Variants in RPL39L observed in about 807,000 individuals in gnomAD.
RPL39L encodes the protein ribosomal protein L39 like, also known as ribosomal protein eL39-like 2.
For missense variants in RPL39L, 48 were observed against 58.9 expected (o/e 0.81, Z 0.61); for synonymous variants, 16 against 20.1 (o/e 0.80, Z 0.55).
intron 1 of RPL39L, 142 bp from the exon 2 acceptor site, chr3:187,128,204 T>C (rs561496045): frequency 6.6e-6 from 1 of 152,344 alleles, no homozygotes; most frequent in African/African-American, 2.4e-5. Flanking sequence ...GAAGTCTTTT[T>C]GCAGAAAGAG....
In RPL39L at chr3:187,133,421, C is replaced by G. The variant is rs1720519706; in HGVS notation, c.-92-5359G>C. Reference sequence around the variant, plus strand: ...CCATCTAAGACGTGCTTTGCTTCCCCTTTGCCTTCTGCCAGATTGTAAGTA... The same window carrying G: ...CCATCTAAGACGTGCTTTGCTTCCCGTTTGCCTTCTGCCAGATTGTAAGTA... On this transcript the variant is annotated intron_variant, in intron 1 of 2. Coordinates refer to ENST00000296277, the MANE Select transcript of RPL39L (RefSeq NM_052969.3). Among the ~76,000 whole-genome samples the G allele has an allele frequency of 2.6e-5, 4 of 152,164 alleles. No individual in the cohort carries two copies. The South Asian group carries it at 8.3e-4, about 32-fold the overall frequency.
At chr3:187,124,826 A>C (rs1720371979) in intron 2 of RPL39L, among the ~76,000 whole-genome samples, 1 of 152,218 alleles carries the variant, frequency 6.6e-6, no homozygotes, top group Non-Finnish European at 1.5e-5. Flanking sequence ...AGACCACTTA[A>C]ATTAGGCCAT....
chr3:187,134,152 T>C (rs895897709), intron 1 of RPL39L, among the ~76,000 whole-genome samples: 4 of 151,804 alleles, frequency 2.6e-5, no homozygotes, highest in Non-Finnish European at 5.9e-5. Context: ...TGGAAAAAAA[T>C]AGACAGCAAC....
chr3:187,127,022 G>T (rs999391108), intron 2 of RPL39L, among the ~76,000 whole-genome samples: 3 of 152,206 alleles, frequency 2.0e-5, no homozygotes, highest in African/African-American at 7.2e-5. Flanking sequence ...GCAAATATGT[G>T]TGATCTTTGG....
Position 187,139,487 on chromosome 3 carries a change from C to A in RPL39L, c.-367G>T, listed in dbSNP as rs1369937434. Reference sequence around the variant, plus strand: ...CAATTCAACCGCCGCGCGCCGGATGCTAAGACCGCGATTTCCCCGGATGCT... The same window carrying A: ...CAATTCAACCGCCGCGCGCCGGATGATAAGACCGCGATTTCCCCGGATGCT... On this transcript the variant is annotated 5_prime_UTR_variant, in exon 1 of 3. Transcript: ENST00000296277. The A allele has an allele frequency of 1.3e-5, 2 of 152,258 alleles. No individual in the cohort carries two copies. Among genetic ancestry groups the A allele is most frequent in the African/African-American group, 4.8e-5 (2 of 41,470 alleles). 9.4% of individuals were successfully genotyped at this position (152,258 alleles called of 1,614,324 possible).
chr3:187,129,858 T>A (rs1720457997), intron 1 of RPL39L, among the ~76,000 whole-genome samples: 1 of 147,274 alleles, frequency 6.8e-6, no homozygotes, highest in South Asian at 2.1e-4. Context: ...TTTTTTTTTT[T>A]CTTTTTTGCC....
intron 1 of RPL39L, among the ~76,000 whole-genome samples, chr3:187,134,483 T>TAAAAAAAAGAAAAAA (rs1720539115): frequency 1.1e-5 from 1 of 93,426 alleles, no homozygotes; most frequent in African/African-American, 4.2e-5. Flanking sequence ...GCCTGACTGA[T>TAAAAAAAAGAAAAAA]AAAAAAAAAA....
At chr3:187,135,006 A>G (rs1720550236) in intron 1 of RPL39L, among the ~76,000 whole-genome samples, 1 of 152,244 alleles carries the variant, frequency 6.6e-6, no homozygotes, top group African/African-American at 2.4e-5. Context: ...GAAGCCTCAG[A>G]AAGGCAGTAA....
intron 1 of RPL39L, among the ~76,000 whole-genome samples, chr3:187,129,297 G>A (rs1005646259): frequency 2.0e-5 from 3 of 152,202 alleles, no homozygotes; most frequent in Admixed American, 6.5e-5. Flanking sequence ...TTGGGGAGAC[G>A]TGAAAAGCCA....
intron 1 of RPL39L, among the ~76,000 whole-genome samples, chr3:187,137,851 T>C (rs1720612807): frequency 6.6e-6 from 1 of 151,922 alleles, no homozygotes; most frequent in African/African-American, 2.4e-5. Context: ...AAAAAGAGAC[T>C]TTAAAAGCTG....
chr3:187,138,586 G>A (rs2108471877), intron 1 of RPL39L, among the ~76,000 whole-genome samples: 1 of 152,352 alleles, frequency 6.6e-6, no homozygotes, highest in East Asian at 1.9e-4. Context: ...TGGTTTTGCT[G>A]ATTAAACCAC....
At chr3:187,129,951 T>C (rs577327205) in intron 1 of RPL39L, among the ~76,000 whole-genome samples, 12 of 152,078 alleles carry the variant, frequency 7.9e-5, no homozygotes, top group African/African-American at 2.9e-4. Context: ...CCAGTAGGTA[T>C]AGAGAGGACA....
chr3:187,129,149 G>A (rs1195887076), intron 1 of RPL39L, among the ~76,000 whole-genome samples: 1 of 152,206 alleles, frequency 6.6e-6, no homozygotes, highest in African/African-American at 2.4e-5. Context: ...CAAGTGAAAG[G>A]CAGTTTTTGC....
intron 1 of RPL39L, among the ~76,000 whole-genome samples, chr3:187,135,402 T>C (rs1166164387): frequency 6.6e-6 from 1 of 152,110 alleles, no homozygotes; most frequent in Non-Finnish European, 1.5e-5. Flanking sequence ...GTGCTGTTCT[T>C]GTGATAGTGA....
intron 2 of RPL39L, among the ~76,000 whole-genome samples, chr3:187,124,897 G>T (rs533183678): frequency 1.3e-4 from 20 of 152,304 alleles, no homozygotes; most frequent in African/African-American, 4.8e-4. Flanking sequence ...CTCAGAAACA[G>T]AATTTGTTAT....
chr3:187,137,572 G>C (rs1244550230), intron 1 of RPL39L, among the ~76,000 whole-genome samples: 1 of 152,010 alleles, frequency 6.6e-6, no homozygotes, highest in East Asian at 1.9e-4. Context: ...CAGCACTTTG[G>C]GAGGCTGATG....
At chr3:187,122,839 T>A (rs957087499) in intron 2 of RPL39L, among the ~76,000 whole-genome samples, 1 of 152,186 alleles carries the variant, frequency 6.6e-6, no homozygotes, top group Non-Finnish European at 1.5e-5. Context: ...GCAGAGTAGA[T>A]AACTAGCAGT....
intron 1 of RPL39L, among the ~76,000 whole-genome samples, chr3:187,131,913 A>G (rs1484168582): frequency 1.3e-5 from 2 of 152,190 alleles, no homozygotes; most frequent in Non-Finnish European, 2.9e-5. Context: ...TAATGTCACT[A>G]TCTTGACTAT....
chr3:187,123,694 A>T (rs1019733973), intron 2 of RPL39L, among the ~76,000 whole-genome samples: 1 of 152,230 alleles, frequency 6.6e-6, no homozygotes, highest in African/African-American at 2.4e-5. Flanking sequence ...TGTACTGGTT[A>T]GGGTTCTTGA....
Sources: allele counts gnomAD v4.1 joint callset (sites outside exome capture counted in the v4.1 genomes callset), GRCh38; gene constraint gnomAD v4.1.1; transcripts MANE v1.5; gene names NCBI Gene and HGNC (gene_info 2026-07-23, HGNC 2026-07-21).